PFKP: variants seen among roughly 807,000 people sequenced by gnomAD.
PFKP encodes ATP-dependent 6-phosphofructokinase, platelet type.
PFKP carries 101 observed loss-of-function variants against 94.3 expected under a neutral mutation model. The observed-to-expected ratio is 1.07, with a 90% CI of 0.91 to 1.26. PFKP has a LOEUF of 1.26. Among genes scored for constraint, PFKP ranks in the 50% most tolerant of loss-of-function variants. The probability of loss-of-function intolerance (pLI) is 0.00; values close to 1 mark genes in which losing one functional copy is unlikely to be tolerated. For missense variants in PFKP, 1,145 were observed against 1,103.3 expected (o/e 1.04, Z -0.53); for synonymous variants, 573 against 432.6 (o/e 1.32, Z -4.03).
chr10:3,133,453 C>T (rs568987907), intron 19 of PFKP, 139 bp downstream of exon 19: 5 of 653,634 alleles, frequency 7.6e-6, no homozygotes, highest in South Asian at 3.4e-5. Context: ...CTTTTTGAGA[C>T]AGAGTCTTGC....
intron 1 of PFKP, chr10:3,070,461 T>G (rs1832097583): frequency 6.6e-6 from 1 of 152,232 alleles, no homozygotes. Context: ...ATTCACGTAT[T>G]AATTTCAGGG....
intron 20 of PFKP, among the ~76,000 whole-genome samples, chr10:3,134,790 T>G (rs1291658787): frequency 6.6e-6 from 1 of 152,256 alleles, no homozygotes; most frequent in Admixed American, 6.5e-5. Flanking sequence ...GTATGACATG[T>G]TCTCTTTTAT....
intron 2 of PFKP, among the ~76,000 whole-genome samples, chr10:3,098,706 G>A (rs575728690): frequency 2.7e-3 from 393 of 147,194 alleles, no homozygotes; most frequent in South Asian, 0.011. Flanking sequence ...TTGTCCTTGG[G>A]CTTCTTCTAT....
At position 3,113,441 on chromosome 10, in the gene PFKP, G is replaced by A; in HGVS notation, c.1294G>A (p.Ala432Thr). ...AAGMNAAVRS[A>T]VRVGIADGHR... is the part of the protein sequence containing the mutation. ...TGGGATGAACGCAGCCGTACGCTCA[G>A]CTGTGCGCGTGGGCATTGCCGACGG... The change falls in exon 13 of 22, where the codon GCT (alanine) becomes ACT (threonine). Residue 432 changes from alanine to threonine, a missense_variant. By Grantham distance (58) the Ala-to-Thr change is moderately conservative. This residue lies in a region of PFKP where 1,119 missense variants were observed against 1,062.8 expected (regional missense o/e 1.05). Coordinates refer to ENST00000381125, the MANE Select transcript of PFKP (RefSeq NM_002627.5). 1 of 1,611,806 alleles carries A rather than the reference G, an allele frequency of 6.2e-7. No individual in the cohort carries two copies. The highest frequency in any genetic ancestry group is 8.5e-7 in the Non-Finnish European group (1 of 1,179,118).
chr10:3,078,209 C>A (rs1832759586), intron 1 of PFKP, among the ~76,000 whole-genome samples: 1 of 152,224 alleles, frequency 6.6e-6, no homozygotes, highest in Non-Finnish European at 1.5e-5. Context: ...ACCTGTGACG[C>A]CAAAAGCCCA....
chr10:3,129,369 A>G (rs1477761128), intron 16 of PFKP: 1 of 155,422 alleles, frequency 6.4e-6, no homozygotes, highest in Non-Finnish European at 1.4e-5. Context: ...TCAGAAGAAA[A>G]TAGAATAGCA....
Position 3,123,860 on chromosome 10 carries a change from G to A in PFKP, c.1683+3816G>A, listed in dbSNP as rs1244361034. ...CTGCCAGGCAGAGCCTGCACAGAGC[G>A]GCCCAAGAGCTGGGCACGTGCTGGG... On this transcript the variant is annotated intron_variant, in intron 16 of 21. Transcript: ENST00000381125. Among the ~76,000 whole-genome samples the A allele has an allele frequency of 2.6e-5, 4 of 152,266 alleles. No homozygotes were observed. The South Asian group carries it at 6.2e-4, about 24-fold the overall frequency.
At chr10:3,071,444 T>TC (rs1321197117) in intron 1 of PFKP, among the ~76,000 whole-genome samples, 1 of 141,224 alleles carries the variant, frequency 7.1e-6, no homozygotes, top group East Asian at 2.1e-4. Context: ...TTTTTTTTTT[T>TC]TTTTTCTTTC....
chr10:3,069,125 C>T (rs1786682469), intron 1 of PFKP: 2 of 597,410 alleles, frequency 3.3e-6, no homozygotes, highest in Non-Finnish European at 2.3e-6. Context: ...AGGCCCGCAG[C>T]GCAGCCTCCC....
At chr10:3,077,470 G>A (rs1311276275) in intron 1 of PFKP, among the ~76,000 whole-genome samples, 2 of 151,368 alleles carry the variant, frequency 1.3e-5, no homozygotes, top group South Asian at 2.1e-4. Flanking sequence ...GTTTCACCCT[G>A]TTAGCCAGGA....
At chr10:3,075,954 T>C (rs1053711618) in intron 1 of PFKP, among the ~76,000 whole-genome samples, 1 of 121,672 alleles carries the variant, frequency 8.2e-6, no homozygotes, top group Non-Finnish European at 1.6e-5. Flanking sequence ...GAGCTTGCAG[T>C]GAGCCGAGAT....
At chr10:3,112,775 C>G (rs1455733620) in intron 11 of PFKP, among the ~76,000 whole-genome samples, 1 of 152,192 alleles carries the variant, frequency 6.6e-6, no homozygotes, top group Non-Finnish European at 1.5e-5. Flanking sequence ...AACATGTTGG[C>G]CAGGCTGGTC....
At chr10:3,083,237 C>T (rs1223163250) in intron 2 of PFKP, among the ~76,000 whole-genome samples, 2 of 152,146 alleles carry the variant, frequency 1.3e-5, no homozygotes, top group South Asian at 2.1e-4. Context: ...AAGGTGGAAA[C>T]GATGCCTAGT....
At chr10:3,068,600 C>T in intron 1 of PFKP, 4 of 905,098 alleles carry the variant, frequency 4.4e-6, no homozygotes, top group Non-Finnish European at 5.3e-6. Flanking sequence ...GAGGCTGGGC[C>T]CACGGACGCG....
chr10:3,079,835 TGAA>T (rs1171753287), intron 1 of PFKP, among the ~76,000 whole-genome samples: 3 of 151,978 alleles, frequency 2.0e-5, no homozygotes, highest in Non-Finnish European at 4.4e-5. Flanking sequence ...CCCTTCGAGT[TGAA>T]GAGTCCAGGC....
chr10:3,090,539 C>T (rs1474470774), intron 2 of PFKP, among the ~76,000 whole-genome samples: 1 of 152,128 alleles, frequency 6.6e-6, no homozygotes, highest in African/African-American at 2.4e-5. Context: ...GATGGCTCTG[C>T]ACTGAAGAGG....
chr10:3,123,464 G>A lies in PFKP; in HGVS notation c.1683+3420G>A, dbSNP rs533160810. Among the ~76,000 whole-genome samples, 130 of 152,332 alleles carry A rather than the reference G, an allele frequency of 8.5e-4. 4 individuals carry two copies. In the South Asian group the frequency reaches 0.026, roughly 31 times the overall value. On this transcript the variant is annotated intron_variant, in intron 16 of 21. Coordinates refer to ENST00000381125, the MANE Select transcript of PFKP (RefSeq NM_002627.5). ...GGAGTGATAGGGAAGAGGGGAGAGA[G>A]GATTTGCAGCATTGTGGCTGTCCCC... is the stretch of plus-strand genomic sequence containing the variant.
At chr10:3,123,918 G>A (rs983111532) in intron 16 of PFKP, among the ~76,000 whole-genome samples, 2 of 152,146 alleles carry the variant, frequency 1.3e-5, no homozygotes, top group African/African-American at 2.4e-5. Context: ...GCCATGGGGT[G>A]CGGGGGACCC....
chr10:3,079,357 C>G (rs1444793490), intron 1 of PFKP, among the ~76,000 whole-genome samples: 1 of 151,994 alleles, frequency 6.6e-6, no homozygotes. Context: ...GCCTCAGCCT[C>G]CCGAGTAGCT....
Sources: allele counts gnomAD v4.1 joint callset (sites outside exome capture counted in the v4.1 genomes callset), GRCh38; gene constraint gnomAD v4.1.1; regional missense constraint gnomAD v4.1.1; transcripts MANE v1.5; gene names NCBI Gene and HGNC (gene_info 2026-07-23, HGNC 2026-07-21).